The following LRCH3 variants were observed in gnomAD, a reference collection of about 807,000 sequenced individuals.
LRCH3 encodes the protein leucine rich repeats and calponin homology domain containing 3, also known as DISP complex protein LRCH3.
A neutral mutation model predicts 104.5 loss-of-function variants in LRCH3; 68 were observed. The ratio of observed to expected loss-of-function variants is 0.65; its 90% CI spans 0.54 to 0.80. LRCH3 has a LOEUF of 0.80. LRCH3 is among the 30% of genes least tolerant of loss of function. The pLI, the probability that LRCH3 is intolerant of heterozygous loss-of-function variation, is 0.00. For missense variants in LRCH3, 951 were observed against 953.9 expected (o/e 1.00, Z 0.04); for synonymous variants, 344 against 361.3 (o/e 0.95, Z 0.54).
rs1174874025 is a variant in LRCH3, at chr3:197,856,730, A to G, written c.1645-2104A>G. ...CTCTTTTCTGTTGGACTACTAGACT[A>G]TAAGCTTCATGAACACAAGGATATT... On this transcript the variant is annotated intron_variant, in intron 14 of 20. Coordinates refer to ENST00000425562, the MANE Select transcript of LRCH3 (RefSeq NM_001365715.1). The surrounding 1 kb of genome is among the most constrained non-coding windows in gnomAD (Gnocchi z 4.2). 1.3e-5 allele frequency among the ~76,000 whole-genome samples: 2 copies of G among 152,166 alleles called. No individual in the cohort carries two copies. The highest frequency in any genetic ancestry group is 4.8e-5 in the African/African-American group (2 of 41,434).
chr3:197,875,664 T>A (rs1712805404), intron 19 of LRCH3, 34 bp from the exon 20 acceptor site: 1 of 1,498,384 alleles, frequency 6.7e-7, no homozygotes, highest in South Asian at 1.2e-5. Flanking sequence ...AAACAAAACT[T>A]CTCTAGTAAC....
intron 12 of LRCH3, chr3:197,850,774 G>A (rs1055994927): frequency 1.1e-5 from 14 of 1,253,230 alleles, no homozygotes; most frequent in African/African-American, 2.9e-5. Flanking sequence ...TTGTAACGTC[G>A]GAATGGTACA....
rs1431960087 is a variant in LRCH3, at chr3:197,835,558, T to C, written c.1103-116T>C. ...AAAGTTTTTATCATCCCTCCCACTT[T>C]CAAAATAGAAAATCATGGGGAAAAG... On this transcript the variant is annotated intron_variant, in intron 8 of 20. Transcript: ENST00000425562. The C allele has an allele frequency of 4.6e-6, 6 of 1,295,234 alleles. No homozygotes were observed. In the African/African-American group the frequency reaches 9.2e-5, roughly 20 times the overall value. 80.2% of individuals were successfully genotyped at this position (1,295,234 alleles called of 1,614,324 possible).
At chr3:197,793,233 T>C (rs1236698336) in intron 1 of LRCH3, among the ~76,000 whole-genome samples, 3 of 152,232 alleles carry the variant, frequency 2.0e-5, no homozygotes, top group Non-Finnish European at 2.9e-5. Context: ...AGCGATTCTT[T>C]CCAAAGAAAC....
intron 20 of LRCH3, chr3:197,876,350 G>A (rs145406129): frequency 1.3e-5 from 2 of 152,210 alleles, no homozygotes; most frequent in Non-Finnish European, 2.9e-5. Context: ...GTTCTTTGGA[G>A]TCTGGCATGC....
In LRCH3 at chr3:197,837,552, A is replaced by C. The variant is rs576384833; in HGVS notation, c.1251+1730A>C. ...TTATTTTCCTGAACACTATCTAAAA[A>C]TGGAATGTTAAAAACTAACCTATGT... On this transcript the variant is annotated intron_variant, in intron 9 of 20. Transcript: ENST00000425562. Among the ~76,000 whole-genome samples the C allele has an allele frequency of 2.0e-5, 3 of 152,320 alleles. No individual in the cohort carries two copies. The South Asian group carries it at 6.2e-4, about 32-fold the overall frequency.
At chr3:197,836,054 G>A (rs1736749930) in intron 9 of LRCH3, among the ~76,000 whole-genome samples, 1 of 152,132 alleles carries the variant, frequency 6.6e-6, no homozygotes, top group African/African-American at 2.4e-5. Context: ...TCAGAATTTT[G>A]CAGGAGGAAT....
intron 8 of LRCH3, among the ~76,000 whole-genome samples, chr3:197,834,887 T>A (rs569500419): frequency 6.6e-6 from 1 of 152,340 alleles, no homozygotes; most frequent in South Asian, 2.1e-4. Context: ...CTGATGCCTG[T>A]AATCCCAGCA....
chr3:197,877,546 A>G lies in LRCH3; in HGVS notation c.2208+1771A>G, dbSNP rs56147007. ...CCATGGCAGTGATTCTCTTTACCCA[A>G]CTCACCGCACCCATGACAGTGATTC... On this transcript the variant is annotated intron_variant, in intron 20 of 20. Transcript: ENST00000425562. 8.7e-4 allele frequency among the ~76,000 whole-genome samples: 68 copies of G among 78,558 alleles called. 1 individual carries two copies. Among genetic ancestry groups the G allele is most frequent in the African/African-American group, 4.4e-3 (50 of 11,382 alleles). The allele number at this position is 78,558 out of a possible 152,430, so 51.5% of individuals were successfully genotyped here. A position where few individuals can be genotyped will look rare whatever the true frequency, so the allele number is the denominator to read the frequency against.
At chr3:197,798,382 TGAA>T (rs1580529591) in intron 1 of LRCH3, among the ~76,000 whole-genome samples, 1 of 152,176 alleles carries the variant, frequency 6.6e-6, no homozygotes, top group East Asian at 1.9e-4. Context: ...AGCTGAAGCT[TGAA>T]GAAAACTCTT....
Position 197,881,718 on chromosome 3 carries a change from A to C in LRCH3, c.2209-1823A>C, listed in dbSNP as rs1204737247. 5.1e-6 allele frequency: 5 copies of C among 985,318 alleles called. No homozygotes were observed. In the African/African-American group the frequency reaches 8.7e-5, roughly 17 times the overall value. 61.0% of individuals were successfully genotyped at this position (985,318 alleles called of 1,614,324 possible). A position where few individuals can be genotyped will look rare whatever the true frequency, so the allele number is the denominator to read the frequency against. On this transcript the variant is annotated intron_variant, in intron 20 of 20. Coordinates refer to ENST00000425562, the MANE Select transcript of LRCH3 (RefSeq NM_001365715.1). ...CTAGTTTCATAAGTGGTGTTTCTGA[A>C]TATTCAGGAACCTTCTGAACTCTGT...
intron 1 of LRCH3, among the ~76,000 whole-genome samples, chr3:197,812,055 T>A (rs1230715781): frequency 2.0e-5 from 3 of 152,234 alleles, no homozygotes; most frequent in African/African-American, 7.2e-5. Context: ...TATCCATTTT[T>A]AAGCATCTGT....
intron 19 of LRCH3, among the ~76,000 whole-genome samples, chr3:197,875,159 G>A (rs1349865241): frequency 1.3e-5 from 2 of 152,136 alleles, no homozygotes; most frequent in East Asian, 1.9e-4. Context: ...TCGAACTCCC[G>A]ACCTGAGGTG....
chr3:197,869,281 G>A (rs58739150), intron 17 of LRCH3, among the ~76,000 whole-genome samples: 1 of 143,750 alleles, frequency 7.0e-6, no homozygotes, highest in Non-Finnish European at 1.5e-5. Context: ...GGTAGAAAGC[G>A]ATGCACTGTA....
intron 4 of LRCH3, among the ~76,000 whole-genome samples, chr3:197,822,157 A>G (rs1734569107): frequency 1.3e-5 from 2 of 152,236 alleles, no homozygotes; most frequent in African/African-American, 4.8e-5. Context: ...TACTGCAACC[A>G]AAACCTTGCG....
At chr3:197,823,982 T>A (rs77798486) in intron 4 of LRCH3, among the ~76,000 whole-genome samples, 2,578 of 152,308 alleles carry the variant, frequency 0.017, 41 homozygotes, top group Middle Eastern at 0.061. Context: ...TTACTCAGTG[T>A]TCACATTACT....
At chr3:197,839,269 C>T in intron 9 of LRCH3, 52 bp from the exon 10 acceptor site, 1 of 1,160,570 alleles carries the variant, frequency 8.6e-7, no homozygotes, top group Non-Finnish European at 1.2e-6. Context: ...TGTGTAATCG[C>T]AGTGTTCTGG....
At chr3:197,878,550 G>A (rs936594057) in intron 20 of LRCH3, among the ~76,000 whole-genome samples, 1 of 152,132 alleles carries the variant, frequency 6.6e-6, no homozygotes. Flanking sequence ...TCACCAGAAA[G>A]AGGAAATGGA....
At chr3:197,864,120 A>G (rs1741186855) in intron 15 of LRCH3, among the ~76,000 whole-genome samples, 1 of 151,732 alleles carries the variant, frequency 6.6e-6, no homozygotes, top group Admixed American at 6.6e-5. Flanking sequence ...CAGCCTGACC[A>G]ACATGGAGAA....
Sources: gnomAD v4.1 joint callset for allele counts (sites outside exome capture counted in the v4.1 genomes callset) on GRCh38, gnomAD v4.1.1 for gene constraint, Gnocchi (gnomAD v3.1) non-coding constraint, MANE v1.5 for transcripts, NCBI Gene and HGNC (gene_info 2026-07-23, HGNC 2026-07-21) for gene names.